The following DPY19L3 variants were observed in gnomAD, a reference collection of about 807,000 sequenced individuals.
DPY19L3 encodes protein C-mannosyl-transferase DPY19L3.
DPY19L3 carries 51 observed loss-of-function variants against 92.3 expected under a neutral mutation model. That is an observed-to-expected ratio of 0.55 (90% CI 0.44 to 0.70). The LOEUF (loss-of-function observed/expected upper bound fraction) is 0.70. DPY19L3 is among the 30% of genes least tolerant of loss of function. The pLI is 0.00. For missense variants in DPY19L3, 706 were observed against 855.9 expected (o/e 0.82, Z 2.18); for synonymous variants, 309 against 315.2 (o/e 0.98, Z 0.21).
At chr19:32,430,886 C>G (rs1433089022) in intron 3 of DPY19L3, among the ~76,000 whole-genome samples, 2 of 151,696 alleles carry the variant, frequency 1.3e-5, no homozygotes, top group African/African-American at 4.8e-5. Flanking sequence ...CTTCAGCCTC[C>G]CAAAGTGCAT....
At chr19:32,464,374 C>T (rs1454851213) in intron 14 of DPY19L3, among the ~76,000 whole-genome samples, 1 of 152,116 alleles carries the variant, frequency 6.6e-6, no homozygotes, top group Non-Finnish European at 1.5e-5. Flanking sequence ...TTGTTCTACT[C>T]CATAAATTCA....
At chr19:32,460,662 A>G (rs1225825087) in intron 12 of DPY19L3, among the ~76,000 whole-genome samples, 1 of 152,096 alleles carries the variant, frequency 6.6e-6, no homozygotes, top group Non-Finnish European at 1.5e-5. Flanking sequence ...GGCAATAGGA[A>G]TTTTTCAGCT....
chr19:32,456,054 C>T (rs947432727), intron 10 of DPY19L3, among the ~76,000 whole-genome samples: 3 of 150,526 alleles, frequency 2.0e-5, no homozygotes, highest in Non-Finnish European at 4.4e-5. Context: ...ACTCTTCACT[C>T]AGCCAGTCAC....
rs530433253 is a variant in DPY19L3 at position 32,414,843 on chromosome 19, C to T, written c.237+3471C>T. ...CCTTCCTACTTTCCTTAAATAAATA[C>T]ACCCCATCATCAAGAAACTTGAACA... On this transcript the variant is annotated intron_variant, in intron 3 of 18. Transcript: ENST00000392250. Among the ~76,000 whole-genome samples, 4 of 152,278 alleles carry T rather than the reference C, an allele frequency of 2.6e-5. No individual in the cohort carries two copies. The East Asian group carries it at 7.7e-4, about 29-fold the overall frequency.
At position 32,464,551 on chromosome 19, in the gene DPY19L3, A is replaced by G. The variant is rs538429974; in HGVS notation, c.1558-177A>G. Among the ~76,000 whole-genome samples the G allele has an allele frequency of 5.9e-5, 9 of 152,250 alleles. 1 individual carries two copies. The South Asian group carries it at 1.9e-3, about 32-fold the overall frequency. On this transcript the variant is annotated intron_variant, in intron 14 of 18. Coordinates refer to ENST00000392250, the MANE Select transcript of DPY19L3 (RefSeq NM_001172774.2). The stretch of plus-strand genomic sequence containing the variant: ...CAAAACTGTAAGGCAGAAGTGTTTA[A>G]AAAAGCCGGGCACAGTGGCTCACTC...
At chr19:32,469,384 T>A (rs927232062) in intron 16 of DPY19L3, among the ~76,000 whole-genome samples, 9 of 151,318 alleles carry the variant, frequency 5.9e-5, no homozygotes, top group Admixed American at 2.0e-4. Flanking sequence ...GCCTCCTAGC[T>A]ACTCAGGAGG....
chr19:32,439,223 G>A lies in DPY19L3; in HGVS notation c.708G>A (p.Gln236=), dbSNP rs914047355. ...CATATTTCCTGAGACCAAACTTACA[G>A]CCTCTTTCTGAAGTAAGTGTTTATA... ...AITYFLRPNL[Q]PLSERLTLLA... The change falls in exon 7 of 19, where the codon CAG becomes CAA. Residue 236 remains glutamine, a synonymous_variant. Coordinates refer to ENST00000392250, the MANE Select transcript of DPY19L3 (RefSeq NM_001172774.2). 7 of 1,612,164 alleles carry A rather than the reference G, an allele frequency of 4.3e-6. No individual in the cohort carries two copies. The African/African-American group carries it at 5.3e-5, about 12-fold the overall frequency.
At chr19:32,427,249 C>T (rs1335079029) in intron 3 of DPY19L3, among the ~76,000 whole-genome samples, 1 of 152,164 alleles carries the variant, frequency 6.6e-6, no homozygotes, top group Non-Finnish European at 1.5e-5. Flanking sequence ...CCTACCTCGG[C>T]CTTCTAAAGT....
At chr19:32,443,041 A>G (rs1969372345) in intron 8 of DPY19L3, among the ~76,000 whole-genome samples, 3 of 152,136 alleles carry the variant, frequency 2.0e-5, no homozygotes, top group Non-Finnish European at 4.4e-5. Context: ...GAGAAGGTCA[A>G]CAGGGAGGTT....
At chr19:32,429,208 T>G (rs1968877490) in intron 3 of DPY19L3, among the ~76,000 whole-genome samples, 2 of 152,242 alleles carry the variant, frequency 1.3e-5, no homozygotes, top group Admixed American at 6.5e-5. Flanking sequence ...GTCATTATCT[T>G]CGAAGATGTT....
intron 3 of DPY19L3, among the ~76,000 whole-genome samples, chr19:32,424,964 G>A (rs1334995152): frequency 6.6e-6 from 1 of 152,146 alleles, no homozygotes; most frequent in African/African-American, 2.4e-5. Flanking sequence ...GCACCAGGAA[G>A]GACAGTTACG....
chr19:32,485,024 G>A lies in DPY19L3; in HGVS notation c.*2784G>A, dbSNP rs1381309649. 6.6e-6 allele frequency: 1 copy of A among 152,098 alleles called. No homozygotes were observed. The highest frequency in any genetic ancestry group is 2.4e-5 in the African/African-American group (1 of 41,394). 9.4% of individuals were successfully genotyped at this position (152,098 alleles called of 1,614,324 possible). On this transcript the variant is annotated 3_prime_UTR_variant, in exon 19 of 19. Coordinates refer to ENST00000392250, the MANE Select transcript of DPY19L3 (RefSeq NM_001172774.2). ...TAAAACCTCTAAACTGAGAAGAAGG[G>A]ACCCAAATCATGTTATTGGTGTGAT...
At chr19:32,432,684 A>T (rs370524860) in intron 3 of DPY19L3, 32 bp from the exon 4 acceptor site, 21 of 1,588,650 alleles carry the variant, frequency 1.3e-5, no homozygotes, top group Non-Finnish European at 1.6e-5. Context: ...AAACTAGGTC[A>T]CATAAACCCA....
In DPY19L3 at chr19:32,484,178, C is replaced by G. The variant is rs1450928551; in HGVS notation, c.*1938C>G. On this transcript the variant is annotated 3_prime_UTR_variant, in exon 19 of 19. Transcript: ENST00000392250. ...GCCAGCACCTTTAGTGCTCAGTCTT[C>G]AGTGAAAAATATAAAGTGCCAAAAA... The G allele has an allele frequency of 1.3e-5, 2 of 152,300 alleles. No homozygotes were observed. The highest frequency in any genetic ancestry group is 2.9e-5 in the Non-Finnish European group (2 of 68,008). The allele number at this position is 152,300 out of a possible 1,614,324, so 9.4% of individuals were successfully genotyped here. A position where few individuals can be genotyped will look rare whatever the true frequency, so the allele number is the denominator to read the frequency against.
At position 32,477,593 on chromosome 19, in the gene DPY19L3, G is replaced by A; in HGVS notation, c.1769G>A (p.Gly590Glu). 6.2e-7 allele frequency: 1 copy of A among 1,614,124 alleles called. No individual in the cohort carries two copies. Among genetic ancestry groups the A allele is most frequent in the Non-Finnish European group, 8.5e-7 (1 of 1,180,034 alleles). ...CTGGCCGGAGTCAAGCTGTGCACGGGAAGGACCCTAACCAACCACCCGCAC... is the reference window on the plus strand; with the variant it reads ...CTGGCCGGAGTCAAGCTGTGCACGGAAAGGACCCTAACCAACCACCCGCAC... ...QLLAGVKLCT[G>E]RTLTNHPHYE... Residue 590 changes from glycine (G) to glutamate (E), a missense_variant, in exon 17 of 19, where the codon GGA becomes GAA. Gly to Glu is a moderately conservative substitution (Grantham distance 98). Coordinates refer to ENST00000392250, the MANE Select transcript of DPY19L3 (RefSeq NM_001172774.2).
chr19:32,458,758 G>C (rs1477660689), intron 12 of DPY19L3, among the ~76,000 whole-genome samples: 1 of 152,196 alleles, frequency 6.6e-6, no homozygotes, highest in East Asian at 1.9e-4. Flanking sequence ...TCTTGAGCCA[G>C]TTACATAACC....
chr19:32,463,539 T>C (rs771607774), intron 13 of DPY19L3, 51 bp downstream of exon 13: 1 of 1,557,622 alleles, frequency 6.4e-7, no homozygotes, highest in Non-Finnish European at 8.7e-7. Context: ...ACTCTTGATG[T>C]TACTTAGCAA....
chr19:32,427,274 C>T (rs1237693849), intron 3 of DPY19L3, among the ~76,000 whole-genome samples: 1 of 152,168 alleles, frequency 6.6e-6, no homozygotes, highest in Non-Finnish European at 1.5e-5. Context: ...GGGTTATAAG[C>T]GTGAGCCACC....
intron 13 of DPY19L3, 114 bp from the exon 14 acceptor site, chr19:32,463,755 G>GTT: frequency 1.0e-6 from 1 of 985,582 alleles, no homozygotes; most frequent in Non-Finnish European, 1.6e-6. Flanking sequence ...CATCTGCATA[G>GTT]TTTTAAGTAA....
Sources: allele counts gnomAD v4.1 joint callset (sites outside exome capture counted in the v4.1 genomes callset), GRCh38; gene constraint gnomAD v4.1.1; transcripts MANE v1.5; gene names NCBI Gene and HGNC (gene_info 2026-07-23, HGNC 2026-07-21).